The following DYNC1I1 variants were observed in gnomAD, a reference collection of about 807,000 sequenced individuals.
The protein encoded by DYNC1I1 is cytoplasmic dynein 1 intermediate chain 1.
DYNC1I1 carries 43 observed loss-of-function variants against 86.6 expected under a neutral mutation model. The ratio of observed to expected loss-of-function variants is 0.50; its 90% CI spans 0.39 to 0.64. The LOEUF (loss-of-function observed/expected upper bound fraction) is 0.64, where lower values mean the gene tolerates loss of function less well. Among genes scored for constraint, DYNC1I1 ranks in the 30% least tolerant of loss-of-function variants. The pLI is 0.00. For missense variants in DYNC1I1, 604 were observed against 788.8 expected (o/e 0.77, Z 2.81); for synonymous variants, 262 against 283.7 (o/e 0.92, Z 0.77).
intron 5 of DYNC1I1, among the ~76,000 whole-genome samples, chr7:95,868,039 TG>T (rs1790059704): frequency 6.6e-6 from 1 of 152,230 alleles, no homozygotes; most frequent in Non-Finnish European, 1.5e-5. Context: ...TTCTGATATA[TG>T]GTATGTGCTT....
intron 6 of DYNC1I1, 78 bp from the exon 7 acceptor site, chr7:95,977,434 C>A: frequency 1.5e-6 from 2 of 1,367,742 alleles, no homozygotes; most frequent in Non-Finnish European, 1.0e-6. Flanking sequence ...TTACCCTTTA[C>A]CCCTACCTCC....
chr7:96,056,646 G>T (rs1388668965), intron 14 of DYNC1I1, among the ~76,000 whole-genome samples: 1 of 151,692 alleles, frequency 6.6e-6, no homozygotes, highest in African/African-American at 2.4e-5. Context: ...ACTCTAACAG[G>T]CATTTCTCAA....
At chr7:95,908,058 G>A (rs907772415) in intron 6 of DYNC1I1, among the ~76,000 whole-genome samples, 2 of 151,994 alleles carry the variant, frequency 1.3e-5, no homozygotes, top group Non-Finnish European at 2.9e-5. Context: ...ATAGTGTTTA[G>A]GTGTTGGCAA....
chr7:95,891,319 G>A (rs1190252238), intron 6 of DYNC1I1, among the ~76,000 whole-genome samples: 1 of 152,180 alleles, frequency 6.6e-6, no homozygotes, highest in African/African-American at 2.4e-5. Context: ...TACAGATTGT[G>A]GGCTTCAAAA....
intron 16 of DYNC1I1, among the ~76,000 whole-genome samples, chr7:96,096,901 TAGAAC>T (rs1791026587): frequency 1.3e-5 from 2 of 152,294 alleles, no homozygotes; most frequent in South Asian, 4.1e-4. Flanking sequence ...GTAATGTACT[TAGAAC>T]AGAACTCTTG....
intron 10 of DYNC1I1, among the ~76,000 whole-genome samples, chr7:96,007,219 G>A (rs930598039): frequency 6.6e-6 from 1 of 152,148 alleles, no homozygotes; most frequent in Non-Finnish European, 1.5e-5. Flanking sequence ...TAAATGGGAA[G>A]TGGACTCTGT....
rs1794915979 is a variant in DYNC1I1 at position 96,035,842 on chromosome 7, G to A, written c.1364+90G>A. 3 of 1,567,244 alleles carry A rather than the reference G, an allele frequency of 1.9e-6. No individual in the cohort carries two copies. In the Admixed American group the frequency reaches 6.2e-5, roughly 32 times the overall value. ...GGATTTTAACCACCTTGCATTATGA[G>A]AAAGCATCTCTGGAAAAATGGAAAG... On this transcript the variant is annotated intron_variant, in intron 13 of 16. Coordinates refer to ENST00000447467, the MANE Select transcript of DYNC1I1 (RefSeq NM_001135556.2).
At chr7:96,005,291 T>A (rs1480907968) in intron 10 of DYNC1I1, among the ~76,000 whole-genome samples, 1 of 152,222 alleles carries the variant, frequency 6.6e-6, no homozygotes, top group African/African-American at 2.4e-5. Flanking sequence ...CCCTTCACCT[T>A]GCTAATAATA....
chr7:95,840,846 C>T (rs1322380460), intron 5 of DYNC1I1, among the ~76,000 whole-genome samples: 1 of 152,176 alleles, frequency 6.6e-6, no homozygotes, highest in Non-Finnish European at 1.5e-5. Context: ...GAGCCAGTCT[C>T]TTGAGTAGCA....
rs529070021 is a variant in DYNC1I1, at chr7:95,875,628, T to C, written c.490+5630T>C. ...GAAGAAAGATGAGGTTTACATGATC[T>C]AATGGCCTTGGTGGAGATAGGGAGG... On this transcript the variant is annotated intron_variant, in intron 6 of 16. Coordinates refer to ENST00000447467, the MANE Select transcript of DYNC1I1 (RefSeq NM_001135556.2). Among the ~76,000 whole-genome samples, 55 of 152,300 alleles carry C rather than the reference T, an allele frequency of 3.6e-4. 2 individuals carry two copies. The South Asian group carries it at 0.011, about 32-fold the overall frequency.
intron 9 of DYNC1I1, 145 bp downstream of exon 9, chr7:95,987,300 T>G: frequency 1.4e-6 from 1 of 701,196 alleles, no homozygotes; most frequent in Non-Finnish European, 2.4e-6. Context: ...GGTTTCAGTT[T>G]CAATTCTCTA....
chr7:95,937,647 T>C (rs1792083607), intron 6 of DYNC1I1, among the ~76,000 whole-genome samples: 1 of 152,040 alleles, frequency 6.6e-6, no homozygotes, highest in Non-Finnish European at 1.5e-5. Flanking sequence ...GAGAATGTGC[T>C]TGAGTTATGA....
At chr7:95,825,124 C>T (rs1043347908) in intron 4 of DYNC1I1, among the ~76,000 whole-genome samples, 4 of 152,150 alleles carry the variant, frequency 2.6e-5, no homozygotes, top group Non-Finnish European at 5.9e-5. Context: ...TGCCAGGAGG[C>T]AAGGCTGTTG....
chr7:96,096,731 G>A (rs143248776), intron 16 of DYNC1I1, among the ~76,000 whole-genome samples: 11 of 152,198 alleles, frequency 7.2e-5, no homozygotes, highest in Non-Finnish European at 1.3e-4. Context: ...TGATGAATCA[G>A]TATAGCATAC....
intron 10 of DYNC1I1, among the ~76,000 whole-genome samples, chr7:95,998,089 A>G (rs1246690968): frequency 6.6e-6 from 1 of 152,198 alleles, no homozygotes; most frequent in Non-Finnish European, 1.5e-5. Flanking sequence ...GTGTTTCTGT[A>G]TTTTAAATTT....
At chr7:95,962,143 A>C (rs1470720020) in intron 6 of DYNC1I1, among the ~76,000 whole-genome samples, 3 of 152,242 alleles carry the variant, frequency 2.0e-5, no homozygotes, top group Admixed American at 1.3e-4. Flanking sequence ...ATCTAACCTA[A>C]AGGATGTAGC....
At chr7:95,864,609 G>GTGGTTCCA (rs1789970948) in intron 5 of DYNC1I1, among the ~76,000 whole-genome samples, 1 of 152,172 alleles carries the variant, frequency 6.6e-6, no homozygotes, top group Admixed American at 6.5e-5. Context: ...TCAAGGATCT[G>GTGGTTCCA]TGGTTCCACT....
intron 14 of DYNC1I1, among the ~76,000 whole-genome samples, chr7:96,052,120 A>G (rs1232103421): frequency 6.6e-6 from 1 of 152,162 alleles, no homozygotes; most frequent in African/African-American, 2.4e-5. Flanking sequence ...TGAGTAAATC[A>G]CTGAATTAAT....
chr7:95,881,087 A>G (rs1474948475), intron 6 of DYNC1I1, among the ~76,000 whole-genome samples: 1 of 152,254 alleles, frequency 6.6e-6, no homozygotes, highest in East Asian at 1.9e-4. Context: ...AGTACTGAAG[A>G]TAATGTTAAT....
Sources: gnomAD v4.1 joint callset for allele counts (sites outside exome capture counted in the v4.1 genomes callset) on GRCh38, gnomAD v4.1.1 for gene constraint, MANE v1.5 for transcripts, NCBI Gene and HGNC (gene_info 2026-07-23, HGNC 2026-07-21) for gene names.